The following COL18A1 variants were observed in gnomAD, a reference collection of about 807,000 sequenced individuals.
The protein encoded by COL18A1 is collagen alpha-1(XVIII) chain.
Under a neutral mutation model 168.0 loss-of-function variants are expected in COL18A1, and 133 were observed. The ratio of observed to expected loss-of-function variants is 0.79; its 90% CI spans 0.69 to 0.91. The LOEUF is 0.91. COL18A1 is among the 40% of genes least tolerant of loss of function. The pLI, the probability that COL18A1 is intolerant of heterozygous loss-of-function variation, is 0.00. For missense variants in COL18A1, 2,126 were observed against 1,925.4 expected, an observed-to-expected ratio of 1.10 and a Z score of -1.95; for synonymous variants, 949 against 809.0, an observed-to-expected ratio of 1.17 and a Z score of -2.94.
At chr21:45,484,963 T>G (rs2036057984) in intron 15 of COL18A1, among the ~76,000 whole-genome samples, 1 of 151,980 alleles carries the variant, frequency 6.6e-6, no homozygotes, top group African/African-American at 2.4e-5. Flanking sequence ...GTAAACCAAA[T>G]AGAAAATGAA....
intron 36 of COL18A1, 152 bp from the exon 37 acceptor site, chr21:45,505,686 C>G (rs2037158473): frequency 2.8e-6 from 2 of 703,562 alleles, no homozygotes; most frequent in Non-Finnish European, 4.9e-6. Flanking sequence ...GGCAGGGGTC[C>G]CCATGGTGCT....
chr21:45,465,193 G>T (rs78174364), intron 2 of COL18A1, among the ~76,000 whole-genome samples: 1 of 152,160 alleles, frequency 6.6e-6, no homozygotes, highest in South Asian at 2.1e-4. Flanking sequence ...GCTCAGCCCC[G>T]ACTGGCGGGT....
intron 27 of COL18A1, 36 bp downstream of exon 27, chr21:45,494,607 G>A (rs1188095988): frequency 7.4e-6 from 12 of 1,612,500 alleles, no homozygotes; most frequent in Admixed American, 6.7e-5. Flanking sequence ...CACTGAGCTC[G>A]GGCATGACGG....
chr21:45,479,168 GTGAC>G (rs1162742873), intron 9 of COL18A1, among the ~76,000 whole-genome samples: 4 of 129,892 alleles, frequency 3.1e-5, no homozygotes, highest in East Asian at 2.4e-4. Context: ...GTGTGAATGT[GTGAC>G]TGCGCGTGTG....
Position 45,486,890 on chromosome 21 carries a change from T to G in COL18A1, c.1731T>G (p.Gly577=), listed in dbSNP as rs760342111. The G allele has an allele frequency of 1.6e-5, 25 of 1,528,208 alleles. No individual in the cohort carries two copies. The highest frequency in any genetic ancestry group is 4.8e-5 in the South Asian group (4 of 83,024). 94.7% of individuals were successfully genotyped at this position (1,528,208 alleles called of 1,614,324 possible). A position where few individuals can be genotyped will look rare whatever the true frequency, so the allele number is the denominator to read the frequency against. Residue 577 remains glycine, a synonymous_variant, in exon 16 of 42, where the codon GGT becomes GGG. Transcript: ENST00000651438. ...GCAAGGGAGCCCCCGGTCCTGCTGG[T>G]GCTCGTGGGGAGAGCGGCCTGGCAG... ...KGSKGAPGPA[G]ARGESGLAGA... is the part of the protein sequence containing the mutation.
chr21:45,482,693 G>C (rs879078595), intron 14 of COL18A1, 102 bp from the exon 15 acceptor site: 1 of 1,568,046 alleles, frequency 6.4e-7, no homozygotes, highest in Non-Finnish European at 8.8e-7. Flanking sequence ...CAGCAAAGCA[G>C]GGACCCGGGT....
rs539760479 is a variant in COL18A1 at position 45,507,648 on chromosome 21, T to C, written c.3249+55T>C. 51 of 1,520,866 alleles carry C rather than the reference T, an allele frequency of 3.4e-5. No homozygotes were observed. The African/African-American group carries it at 4.9e-4, about 15-fold the overall frequency. 94.2% of individuals were successfully genotyped at this position (1,520,866 alleles called of 1,614,324 possible). A position where few individuals can be genotyped will look rare whatever the true frequency, so the allele number is the denominator to read the frequency against. On this transcript the variant is annotated intron_variant, in intron 38 of 41. Coordinates refer to ENST00000651438, the MANE Select transcript of COL18A1 (RefSeq NM_001379500.1). ...TGGGTGGTCAGGACATGAGGGGGTA[T>C]GTGCTGTCCCCTGTTTGAGGAACAA...
rs760227070 is a variant in COL18A1, at chr21:45,493,236, C to T, written c.2277+11C>T. ...TCCCCGGGACCCAAGGTAAGGGGCT[C>T]AGGTGCTGTCCCTCAACCCCCTTTG... On this transcript the variant is annotated intron_variant, in intron 25 of 41. Coordinates refer to ENST00000651438, the MANE Select transcript of COL18A1 (RefSeq NM_001379500.1). 1 of 1,553,992 alleles carries T rather than the reference C, an allele frequency of 6.4e-7. No individual in the cohort carries two copies. The highest frequency in any genetic ancestry group is 1.2e-5 in the South Asian group (1 of 84,370).
chr21:45,508,859 G>A (rs986018072), intron 38 of COL18A1, among the ~76,000 whole-genome samples: 1 of 152,206 alleles, frequency 6.6e-6, no homozygotes, highest in African/African-American at 2.4e-5. Flanking sequence ...GGTGCAGGTG[G>A]ATGGCAATGG....
chr21:45,426,557 A>G (rs1238073042), intron 2 of COL18A1, among the ~76,000 whole-genome samples: 2 of 152,178 alleles, frequency 1.3e-5, no homozygotes, highest in African/African-American at 4.8e-5. Flanking sequence ...AGCCCCCGGA[A>G]ACCCTGCCAC....
intron 2 of COL18A1, among the ~76,000 whole-genome samples, chr21:45,444,585 G>A (rs551039230): frequency 3.4e-4 from 52 of 152,232 alleles, no homozygotes; most frequent in South Asian, 2.3e-3. Context: ...TGCCAGCTGC[G>A]AGCACCGGGG....
chr21:45,491,604 C>T (rs899211739), intron 22 of COL18A1, among the ~76,000 whole-genome samples: 2 of 150,756 alleles, frequency 1.3e-5, no homozygotes, highest in African/African-American at 4.8e-5. Context: ...GTGTCCTTGA[C>T]ACTGTGGCCC....
chr21:45,460,569 C>T (rs1161135999), intron 2 of COL18A1, among the ~76,000 whole-genome samples: 1 of 152,218 alleles, frequency 6.6e-6, no homozygotes, highest in East Asian at 1.9e-4. Flanking sequence ...ACCCCATGGG[C>T]CAGCCACTGG....
chr21:45,511,068 A>AC, intron 40 of COL18A1, 43 bp from the exon 41 acceptor site: 1 of 768,286 alleles, frequency 1.3e-6, no homozygotes, highest in Non-Finnish European at 2.0e-6. Context: ...ACCCATCCAC[A>AC]CCCCCACACA....
intron 2 of COL18A1, among the ~76,000 whole-genome samples, chr21:45,464,723 T>C (rs1210249697): frequency 6.6e-6 from 1 of 152,158 alleles, no homozygotes; most frequent in Non-Finnish European, 1.5e-5. Flanking sequence ...CAAAGCCCCT[T>C]CTTCCCCCTT....
rs74551682 is a variant in COL18A1, at chr21:45,498,168, A to C, written c.2683+507A>C. ...CATTGAGGGTGGCAGGGCTGCTTGG[A>C]TGTCCTGCCAAGACCACTGAGAACA... is the stretch of plus-strand genomic sequence containing the variant. On this transcript the variant is annotated intron_variant, in intron 32 of 41. Coordinates refer to ENST00000651438, the MANE Select transcript of COL18A1 (RefSeq NM_001379500.1). This position sits in a 1 kb window ranked among gnomAD's most constrained non-coding sequence, Gnocchi z 4.5. The C allele has an allele frequency of 0.084, 56,721 of 673,696 alleles. 2,909 individuals carry two copies. The highest frequency in any genetic ancestry group is 0.13 in the South Asian group (8,043 of 63,552). 41.7% of individuals were successfully genotyped at this position (673,696 alleles called of 1,614,324 possible).
chr21:45,448,413 A>G (rs1394420938), intron 2 of COL18A1, among the ~76,000 whole-genome samples: 3 of 152,248 alleles, frequency 2.0e-5, no homozygotes, highest in African/African-American at 7.2e-5. Flanking sequence ...GCACATGTAC[A>G]TACCCATGCA....
At chr21:45,503,665 T>G (rs796196943) in intron 32 of COL18A1, among the ~76,000 whole-genome samples, 4 of 146,122 alleles carry the variant, frequency 2.7e-5, no homozygotes, top group Admixed American at 1.4e-4. Flanking sequence ...AGGGATAGCA[T>G]TGGGAGATAT....
At chr21:45,433,019 T>G (rs898784880) in intron 2 of COL18A1, among the ~76,000 whole-genome samples, 3 of 152,168 alleles carry the variant, frequency 2.0e-5, no homozygotes, top group Non-Finnish European at 2.9e-5. Flanking sequence ...AAACCCCAAA[T>G]AGGTTCTAGA....
Sources: allele counts gnomAD v4.1 joint callset (sites outside exome capture counted in the v4.1 genomes callset), GRCh38; gene constraint gnomAD v4.1.1; non-coding constraint Gnocchi (gnomAD v3.1); transcripts MANE v1.5; gene names NCBI Gene and HGNC (gene_info 2026-07-23, HGNC 2026-07-21).